Variants in HVCN1 observed in about 807,000 individuals in gnomAD.
HVCN1 encodes the protein voltage-gated hydrogen channel 1.
HVCN1 carries 14 observed loss-of-function variants against 29.2 expected under a neutral mutation model. The ratio of observed to expected loss-of-function variants is 0.48; its 90% CI spans 0.32 to 0.75. The LOEUF (loss-of-function observed/expected upper bound fraction) is 0.75. Among genes scored for constraint, HVCN1 ranks in the 30% least tolerant of loss-of-function variants. The pLI, the probability that HVCN1 is intolerant of heterozygous loss-of-function variation, is 0.04. For missense variants in HVCN1, 263 were observed against 341.8 expected, an observed-to-expected ratio of 0.77 and a Z score of 1.82; for synonymous variants, 131 against 133.2, an observed-to-expected ratio of 0.98 and a Z score of 0.11.
intron 4 of HVCN1, 57 bp from the exon 5 acceptor site, chr12:110,655,395 T>G: frequency 7.5e-7 from 1 of 1,328,852 alleles, no homozygotes; most frequent in Non-Finnish European, 1.1e-6. Context: ...GCCCTCCCTC[T>G]CCCATCATTA....
rs1206517833 is a variant in HVCN1 at position 110,694,911 on chromosome 12, C to G, written c.-103-6203G>C. On this transcript the variant is annotated intron_variant, in intron 2 of 4. Transcript: ENST00000546713. This position sits in a 1 kb window ranked among gnomAD's most constrained non-coding sequence, Gnocchi z 4.6. ...GAACACAGGCATTGCATCAAAGAGG[C>G]CTGGGTGTAAATCCTGCCTCAATGG... Among the ~76,000 whole-genome samples, 11 of 152,208 alleles carry G rather than the reference C, an allele frequency of 7.2e-5. No homozygotes were observed. Among genetic ancestry groups the G allele is most frequent in the Non-Finnish European group, 1.6e-4 (11 of 68,044 alleles).
upstream of HVCN1, among the ~76,000 whole-genome samples, chr12:110,690,482 T>C (rs1398036808): frequency 1.3e-5 from 2 of 152,134 alleles, no homozygotes; most frequent in Non-Finnish European, 2.9e-5. Flanking sequence ...CTTTCTTTTC[T>C]TTTTTCTTTT....
chr12:110,684,335 T>A (rs2069101480), intron 2 of HVCN1, among the ~76,000 whole-genome samples: 1 of 152,228 alleles, frequency 6.6e-6, no homozygotes, highest in Non-Finnish European at 1.5e-5. Context: ...TTTAAAATGG[T>A]TAGCTTTACA....
chr12:110,697,223 G>T (rs972220584), intron 2 of HVCN1, among the ~76,000 whole-genome samples: 4 of 152,052 alleles, frequency 2.6e-5, no homozygotes, highest in Non-Finnish European at 5.9e-5. Context: ...AGAGGCTTGG[G>T]CGTCATCAGT....
At chr12:110,677,495 G>T (rs1476973815) in intron 3 of HVCN1, among the ~76,000 whole-genome samples, 1 of 152,168 alleles carries the variant, frequency 6.6e-6, no homozygotes, top group Non-Finnish European at 1.5e-5. Flanking sequence ...TGGCCCAGCT[G>T]TTCACAGCAT....
chr12:110,685,735 G>A (rs2069155801), intron 2 of HVCN1, among the ~76,000 whole-genome samples: 1 of 151,880 alleles, frequency 6.6e-6, no homozygotes, highest in South Asian at 2.1e-4. Flanking sequence ...TGTCACCCTG[G>A]CTAGAATGCA....
chr12:110,683,470 T>C (rs1338076609), intron 2 of HVCN1, among the ~76,000 whole-genome samples: 1 of 152,192 alleles, frequency 6.6e-6, no homozygotes, highest in African/African-American at 2.4e-5. Context: ...CTCAAACAAA[T>C]ACTTATTTGT....
intron 3 of HVCN1, among the ~76,000 whole-genome samples, chr12:110,667,045 C>T (rs1325543093): frequency 6.6e-6 from 1 of 152,192 alleles, no homozygotes; most frequent in African/African-American, 2.4e-5. Context: ...ATGCTGGGCT[C>T]ATCTCGGCCG....
At chr12:110,660,356 C>T (rs1447803290) in intron 4 of HVCN1, among the ~76,000 whole-genome samples, 3 of 152,252 alleles carry the variant, frequency 2.0e-5, no homozygotes, top group African/African-American at 7.2e-5. Context: ...GCTCTGCTTT[C>T]TCCCTGCAAC....
At chr12:110,651,183 C>T (rs199847095) in intron 6 of HVCN1, 34 bp downstream of exon 6, 121 of 1,505,020 alleles carry the variant, frequency 8.0e-5, no homozygotes, top group Admixed American at 2.3e-4. Flanking sequence ...GGCCCCTACT[C>T]TCCATCCACA....
At chr12:110,657,870 G>A (rs1037212680) in intron 4 of HVCN1, among the ~76,000 whole-genome samples, 1 of 152,202 alleles carries the variant, frequency 6.6e-6, no homozygotes, top group African/African-American at 2.4e-5. Flanking sequence ...TGCAGAGTCC[G>A]TGCCGTGGGG....
intron 3 of HVCN1, among the ~76,000 whole-genome samples, chr12:110,667,001 C>T (rs1380266602): frequency 2.6e-5 from 4 of 152,172 alleles, no homozygotes; most frequent in African/African-American, 9.7e-5. Context: ...CCATCATGCA[C>T]CTGTTGGCTG....
upstream of HVCN1, among the ~76,000 whole-genome samples, chr12:110,691,915 G>A (rs1042707385): frequency 4.6e-5 from 7 of 152,206 alleles, no homozygotes; most frequent in African/African-American, 1.7e-4. Flanking sequence ...AGGGACCTAT[G>A]TCCATACTTT....
chr12:110,662,673 C>T (rs562593069), intron 3 of HVCN1, among the ~76,000 whole-genome samples: 2 of 152,286 alleles, frequency 1.3e-5, no homozygotes, highest in African/African-American at 4.8e-5. Context: ...CCACTGCACT[C>T]CAGCCTGGGC....
rs975709435 is a variant in HVCN1 at position 110,661,770 on chromosome 12, C to T, written c.22-322G>A. On this transcript the variant is annotated intron_variant, in intron 3 of 7. Coordinates refer to ENST00000242607, the MANE Select transcript of HVCN1 (RefSeq NM_032369.4). The surrounding 1 kb of genome is among the most constrained non-coding windows in gnomAD (Gnocchi z 6.2). Reference sequence around the variant, plus strand: ...CCATGTGTGAATACCGGAAGGGCGGCCCCAAGGTTCAGAGACATCACAACC... The same window carrying T: ...CCATGTGTGAATACCGGAAGGGCGGTCCCAAGGTTCAGAGACATCACAACC... Among the ~76,000 whole-genome samples, 4 of 152,282 alleles carry T rather than the reference C, an allele frequency of 2.6e-5. No individual in the cohort carries two copies. The highest frequency in any genetic ancestry group is 3.4e-3 in the Middle Eastern group (1 of 294).
chr12:110,670,581 G>T (rs905291760), intron 3 of HVCN1, among the ~76,000 whole-genome samples: 6 of 152,126 alleles, frequency 3.9e-5, no homozygotes, highest in African/African-American at 1.4e-4. Context: ...GTCCTGGTGA[G>T]GGGGGGCCTT....
intron 1 of HVCN1, among the ~76,000 whole-genome samples, chr12:110,704,295 G>T (rs887494956): frequency 1.3e-5 from 2 of 152,104 alleles, no homozygotes; most frequent in African/African-American, 4.8e-5. Context: ...TAATCCCCAA[G>T]ATTTATTATT....
chr12:110,669,300 AACCTGC>A (rs2068486738), intron 3 of HVCN1, among the ~76,000 whole-genome samples: 1 of 151,740 alleles, frequency 6.6e-6, no homozygotes, highest in African/African-American at 2.4e-5. Context: ...CCCTCACCAG[AACCTGC>A]CCTGACCCTC....
intron 2 of HVCN1, among the ~76,000 whole-genome samples, chr12:110,698,757 C>T (rs2069530791): frequency 6.6e-6 from 1 of 152,218 alleles, no homozygotes; most frequent in African/African-American, 2.4e-5. Flanking sequence ...GCAGCCCCCG[C>T]TTCCCTCCTT....
Sources: gnomAD v4.1 joint callset for allele counts (sites outside exome capture counted in the v4.1 genomes callset) on GRCh38, gnomAD v4.1.1 for gene constraint, Gnocchi (gnomAD v3.1) non-coding constraint, MANE v1.5 for transcripts, NCBI Gene and HGNC (gene_info 2026-07-23, HGNC 2026-07-21) for gene names.